ATP1A1: variants seen among roughly 807,000 people sequenced by gnomAD.
The protein encoded by ATP1A1 is ATPase Na+/K+ transporting subunit alpha 1.
In ATP1A1, 14 loss-of-function variants were observed where a neutral mutation model predicts 114.8. That is an observed-to-expected ratio of 0.12 (90% CI 0.08 to 0.19). The LOEUF (loss-of-function observed/expected upper bound fraction) is 0.19, where lower values mean the gene tolerates loss of function less well. ATP1A1 is among the 10% of genes least tolerant of loss of function. ATP1A1 has a pLI of 1.00. For missense variants in ATP1A1, 524 were observed against 1,290.7 expected (o/e 0.41, Z 9.10); for synonymous variants, 471 against 466.3 (o/e 1.01, Z -0.13).
intron 1 of ATP1A1, among the ~76,000 whole-genome samples, chr1:116,379,776 G>T (rs1651621032): frequency 6.6e-6 from 1 of 152,200 alleles, no homozygotes; most frequent in African/African-American, 2.4e-5. Context: ...TGTGTTGGAT[G>T]ATTTAATAAT....
chr1:116,376,617 T>C (rs970843661), intron 1 of ATP1A1, among the ~76,000 whole-genome samples: 3 of 152,176 alleles, frequency 2.0e-5, no homozygotes, highest in African/African-American at 7.2e-5. Flanking sequence ...GTGTATCCCC[T>C]TTTGGTAACT....
At position 116,381,303 on chromosome 1, in the gene ATP1A1, T is replaced by C. The variant is rs1352768148; in HGVS notation, c.13-2711T>C. ...TTCTACCACTGTTCATCTCACGCAG[T>C]GTGCACTCCCTGACTCTGAATTTTG... On this transcript the variant is annotated intron_variant, in intron 1 of 22. Coordinates refer to ENST00000295598, the MANE Select transcript of ATP1A1 (RefSeq NM_000701.8). The surrounding 1 kb of genome is among the most constrained non-coding windows in gnomAD (Gnocchi z 5.1). Among the ~76,000 whole-genome samples the C allele has an allele frequency of 6.6e-6, 1 of 152,190 alleles. No individual in the cohort carries two copies. Among genetic ancestry groups the C allele is most frequent in the Admixed American group, 6.5e-5 (1 of 15,282 alleles).
rs528743529 is a variant in ATP1A1, at chr1:116,394,986, T to A, written c.1661-124T>A. The A allele has an allele frequency of 1.2e-5, 11 of 940,026 alleles. No individual in the cohort carries two copies. The Admixed American group carries it at 1.5e-4, about 13-fold the overall frequency. 58.2% of individuals were successfully genotyped at this position (940,026 alleles called of 1,614,324 possible). A position where few individuals can be genotyped will look rare whatever the true frequency, so the allele number is the denominator to read the frequency against. On this transcript the variant is annotated intron_variant, in intron 12 of 22. Coordinates refer to ENST00000295598, the MANE Select transcript of ATP1A1 (RefSeq NM_000701.8). Reference sequence around the variant, plus strand: ...AAACCCTCACTCTGTTATAAAAATATAGACTTTAAAAATTTTCCAAAGTAA... The same window carrying A: ...AAACCCTCACTCTGTTATAAAAATAAAGACTTTAAAAATTTTCCAAAGTAA...
At position 116,401,840 on chromosome 1, in the gene ATP1A1, A is replaced by G. The variant is rs1653505465; in HGVS notation, c.2951+185A>G. Reference sequence around the variant, plus strand: ...CAGACTAACAAATCCTGAGGCTTCCATGATAGCAGCTAGTGTTTAGGATTT... The same window carrying G: ...CAGACTAACAAATCCTGAGGCTTCCGTGATAGCAGCTAGTGTTTAGGATTT... On this transcript the variant is annotated intron_variant, in intron 21 of 22. Transcript: ENST00000295598. This position sits in a 1 kb window ranked among gnomAD's most constrained non-coding sequence, Gnocchi z 4.7. 1 of 623,762 alleles carries G rather than the reference A, an allele frequency of 1.6e-6. No homozygotes were observed. The highest frequency in any genetic ancestry group is 2.8e-6 in the Non-Finnish European group (1 of 355,254). The allele number at this position is 623,762 out of a possible 1,614,324, so 38.6% of individuals were successfully genotyped here.
intron 13 of ATP1A1, among the ~76,000 whole-genome samples, chr1:116,396,248 AC>A (rs1355644596): frequency 4.7e-5 from 7 of 149,958 alleles, no homozygotes; most frequent in Non-Finnish European, 7.4e-5. Context: ...TGGTGTCTTC[AC>A]AGTCCCACCA....
rs552022733 is a variant in ATP1A1 at position 116,374,739 on chromosome 1, C to A, written c.12+1216C>A. On this transcript the variant is annotated intron_variant, in intron 1 of 22. Coordinates refer to ENST00000295598, the MANE Select transcript of ATP1A1 (RefSeq NM_000701.8). ...ATGAGAATACAAATGGGAGAGAATC[C>A]ACTTCGTTGTCTCCAGGGTTTAGCA... Among the ~76,000 whole-genome samples the A allele has an allele frequency of 2.7e-4, 41 of 152,236 alleles. No individual in the cohort carries two copies. The South Asian group carries it at 8.3e-3, about 31-fold the overall frequency.
chr1:116,374,087 G>C, intron 1 of ATP1A1: 3 of 1,433,360 alleles, frequency 2.1e-6, no homozygotes, highest in Non-Finnish European at 1.8e-6. Flanking sequence ...CGGGTTCGGG[G>C]CTCCTTCTCC....
chr1:116,387,680 C>G lies in ATP1A1; in HGVS notation c.387+189C>G, dbSNP rs1652192611. Among the ~76,000 whole-genome samples, 1 of 152,238 alleles carries G rather than the reference C, an allele frequency of 6.6e-6. No individual in the cohort carries two copies. Among genetic ancestry groups the G allele is most frequent in the African/African-American group, 2.4e-5 (1 of 41,460 alleles). On this transcript the variant is annotated intron_variant, in intron 4 of 22. Coordinates refer to ENST00000295598, the MANE Select transcript of ATP1A1 (RefSeq NM_000701.8). The surrounding 1 kb of genome is among the most constrained non-coding windows in gnomAD (Gnocchi z 6.7). ...TCGTTTCCATTTCCTCTCTCTACCA[C>G]CCACGTTGTAGATGCTCTTACAAGT...
At chr1:116,402,187 G>T (rs1287068447) in intron 21 of ATP1A1, among the ~76,000 whole-genome samples, 1 of 152,040 alleles carries the variant, frequency 6.6e-6, no homozygotes, top group Non-Finnish European at 1.5e-5. Flanking sequence ...GCTAGTCTTT[G>T]GCCTTAAACA....
rs1043232002 is a variant in ATP1A1, at chr1:116,384,437, A to T, written c.123+313A>T. 6.6e-6 allele frequency among the ~76,000 whole-genome samples: 1 copy of T among 152,170 alleles called. No homozygotes were observed. Among genetic ancestry groups the T allele is most frequent in the Non-Finnish European group, 1.5e-5 (1 of 68,030 alleles). ...AAATTCAGCCTCTCCAGGCGATGGA[A>T]GCTTCCATAGACTTAACCTGTCTAG... On this transcript the variant is annotated intron_variant, in intron 2 of 22. Coordinates refer to ENST00000295598, the MANE Select transcript of ATP1A1 (RefSeq NM_000701.8). This position sits in a 1 kb window ranked among gnomAD's most constrained non-coding sequence, Gnocchi z 5.1.
At position 116,401,030 on chromosome 1, in the gene ATP1A1, C is replaced by A. The variant is rs754202811; in HGVS notation, c.2718+24C>A. 7 of 1,613,740 alleles carry A rather than the reference C, an allele frequency of 4.3e-6. No homozygotes were observed. Among genetic ancestry groups the A allele is most frequent in the South Asian group, 3.3e-5 (3 of 91,076 alleles). ...GGGTGAGTGGGCACCTCTGACCTGA[C>A]CAGTGTCAGAGCTCCTCAAGCCCCA... is the stretch of plus-strand genomic sequence containing the variant. On this transcript the variant is annotated intron_variant, in intron 19 of 22. Coordinates refer to ENST00000295598, the MANE Select transcript of ATP1A1 (RefSeq NM_000701.8). The surrounding 1 kb of genome is among the most constrained non-coding windows in gnomAD (Gnocchi z 4.7).
intron 1 of ATP1A1, among the ~76,000 whole-genome samples, chr1:116,374,429 C>T (rs1651217308): frequency 6.6e-6 from 1 of 152,144 alleles, no homozygotes; most frequent in Non-Finnish European, 1.5e-5. Flanking sequence ...CTGGAGGCTG[C>T]AGGCAATACG....
At chr1:116,373,776 G>A in intron 1 of ATP1A1, 1 of 1,202,500 alleles carries the variant, frequency 8.3e-7, no homozygotes, top group Non-Finnish European at 1.0e-6. Context: ...GCGGACCCTG[G>A]GCGGGGGCTG....
Position 116,389,800 on chromosome 1 carries a change from GT to G in ATP1A1, c.1023+97del. On this transcript the variant is annotated intron_variant, in intron 8 of 22. Coordinates refer to ENST00000295598, the MANE Select transcript of ATP1A1 (RefSeq NM_000701.8). The surrounding 1 kb of genome is among the most constrained non-coding windows in gnomAD (Gnocchi z 6.9). ...CTATTCTAAGGTATTGCCAACTTAT[GT>G]TTTATTCTGGATGTTTGATATAGTT... is the stretch of plus-strand genomic sequence containing the variant. 1.3e-6 allele frequency: 2 copies of G among 1,510,088 alleles called. No homozygotes were observed. Among genetic ancestry groups the G allele is most frequent in the Non-Finnish European group, 9.0e-7 (1 of 1,116,862 alleles). 93.5% of individuals were successfully genotyped at this position (1,510,088 alleles called of 1,614,324 possible).
In ATP1A1 at chr1:116,389,732, T is replaced by C. The variant is rs1366402554; in HGVS notation, c.1023+25T>C. On this transcript the variant is annotated intron_variant, in intron 8 of 22. Coordinates refer to ENST00000295598, the MANE Select transcript of ATP1A1 (RefSeq NM_000701.8). This position sits in a 1 kb window ranked among gnomAD's most constrained non-coding sequence, Gnocchi z 6.9. ...GGTAAGAGGCAGGTGATGGTCACCCTGACTCAGATCAGCTTGCACGAATGT... is the reference window on the plus strand; with the variant it reads ...GGTAAGAGGCAGGTGATGGTCACCCCGACTCAGATCAGCTTGCACGAATGT... 6.2e-7 allele frequency: 1 copy of C among 1,613,208 alleles called. No homozygotes were observed. The highest frequency in any genetic ancestry group is 1.3e-5 in the African/African-American group (1 of 75,040).
intron 1 of ATP1A1, among the ~76,000 whole-genome samples, chr1:116,379,843 A>G (rs1051613669): frequency 2.6e-5 from 4 of 152,242 alleles, no homozygotes; most frequent in African/African-American, 9.6e-5. Context: ...CATTGAAGGT[A>G]GCCCAGACTT....
chr1:116,400,959 G>A lies in ATP1A1; in HGVS notation c.2671G>A (p.Asp891Asn). 1 of 1,614,196 alleles carries A rather than the reference G, an allele frequency of 6.2e-7. No individual in the cohort carries two copies. The highest frequency in any genetic ancestry group is 8.5e-7 in the Non-Finnish European group (1 of 1,180,038). Residue 891 changes from aspartate to asparagine, a missense_variant, in exon 19 of 23, where the codon GAT becomes AAT. Coordinates refer to ENST00000295598, the MANE Select transcript of ATP1A1 (RefSeq NM_000701.8). Reference sequence around the variant, plus strand: ...CCTGTTGGGCCTCCGAGTGGACTGGGATGACCGCTGGATCAACGATGTGGA... The same window carrying A: ...CCTGTTGGGCCTCCGAGTGGACTGGAATGACCGCTGGATCAACGATGTGGA... Reference protein sequence around the residue: ...IHLLGLRVDWDDRWINDVEDS... With the variant: ...IHLLGLRVDWNDRWINDVEDS...
chr1:116,398,583 G>T lies in ATP1A1; in HGVS notation c.2125-38G>T. The stretch of plus-strand genomic sequence containing the variant: ...CGCACTATTTCCATCGCTAGGAAAA[G>T]TGATTGGTATTAACCCGTTTTCCCT... On this transcript the variant is annotated intron_variant, in intron 15 of 22. Transcript: ENST00000295598. The surrounding 1 kb of genome is among the most constrained non-coding windows in gnomAD (Gnocchi z 6.1). 1 of 1,598,774 alleles carries T rather than the reference G, an allele frequency of 6.3e-7. No individual in the cohort carries two copies. Among genetic ancestry groups the T allele is most frequent in the South Asian group, 1.1e-5 (1 of 89,260 alleles).
chr1:116,381,928 G>A lies in ATP1A1; in HGVS notation c.13-2086G>A, dbSNP rs1651770086. ...ACGGTGGCTCACGCCTGTAATCCCAGCACTTTGGGAGGCCGAGGTGGGTGG... is the reference window on the plus strand; with the variant it reads ...ACGGTGGCTCACGCCTGTAATCCCAACACTTTGGGAGGCCGAGGTGGGTGG... On this transcript the variant is annotated intron_variant, in intron 1 of 22. Transcript: ENST00000295598. This position sits in a 1 kb window ranked among gnomAD's most constrained non-coding sequence, Gnocchi z 5.1. 6.6e-6 allele frequency among the ~76,000 whole-genome samples: 1 copy of A among 152,188 alleles called. No homozygotes were observed. The highest frequency in any genetic ancestry group is 1.5e-5 in the Non-Finnish European group (1 of 68,040).
Sources: allele counts gnomAD v4.1 joint callset (sites outside exome capture counted in the v4.1 genomes callset), GRCh38; gene constraint gnomAD v4.1.1; non-coding constraint Gnocchi (gnomAD v3.1); transcripts MANE v1.5; gene names NCBI Gene and HGNC (gene_info 2026-07-23, HGNC 2026-07-21).